Variants in RBFOX3 observed in about 807,000 individuals in gnomAD.
RBFOX3 encodes RNA binding fox-1 homolog 3.
RBFOX3 carries 17 observed loss-of-function variants against 48.7 expected under a neutral mutation model. The observed-to-expected ratio is 0.35, with a 90% CI of 0.24 to 0.52. The LOEUF (loss-of-function observed/expected upper bound fraction) is 0.52, where lower values mean the gene tolerates loss of function less well. Ranked by LOEUF, RBFOX3 falls within the 20% of genes least tolerant of loss-of-function variation. The pLI, the probability that RBFOX3 is intolerant of heterozygous loss-of-function variation, is 0.94. For synonymous variants in RBFOX3, 212 were observed against 209.5 expected, an observed-to-expected ratio of 1.01 and a Z score of -0.10; for missense variants, 382 against 497.5, an observed-to-expected ratio of 0.77 and a Z score of 2.21.
intron 1 of RBFOX3, among the ~76,000 whole-genome samples, chr17:79,573,710 C>G (rs2092761443): frequency 6.6e-6 from 1 of 152,196 alleles, no homozygotes; most frequent in East Asian, 1.9e-4. Flanking sequence ...CCCCTTCCGC[C>G]TTGCCATCTT....
chr17:79,363,439 C>T lies in RBFOX3; in HGVS notation c.-174-55615G>A, dbSNP rs62063964. ...TGTTCCCAGGCCTGGTCACCTCCACCCCAGACTTCCAAACTCTTCTGTCTG... is the reference window on the plus strand; with the variant it reads ...TGTTCCCAGGCCTGGTCACCTCCACTCCAGACTTCCAAACTCTTCTGTCTG... On this transcript the variant is annotated intron_variant, in intron 2 of 14. Coordinates refer to ENST00000693108, the MANE Select transcript of RBFOX3 (RefSeq NM_001350451.2). This position sits in a 1 kb window ranked among gnomAD's most constrained non-coding sequence, Gnocchi z 4.7. 2.6e-3 allele frequency among the ~76,000 whole-genome samples: 390 copies of T among 152,178 alleles called. 1 individual carries two copies. The highest frequency in any genetic ancestry group is 4.4e-3 in the Non-Finnish European group (299 of 67,980).
chr17:79,501,314 A>G (rs1404821326), intron 1 of RBFOX3, among the ~76,000 whole-genome samples: 1 of 152,184 alleles, frequency 6.6e-6, no homozygotes, highest in East Asian at 1.9e-4. Flanking sequence ...CCACACCTCC[A>G]CATGTCCAGC....
intron 2 of RBFOX3, among the ~76,000 whole-genome samples, chr17:79,419,971 C>T (rs557292088): frequency 1.3e-4 from 20 of 152,246 alleles, no homozygotes; most frequent in African/African-American, 4.6e-4. Context: ...TACTAAAATA[C>T]AAAAAATTAG....
chr17:79,293,410 CCCTTCCTTCCTTCCTT>C (rs536224921), intron 3 of RBFOX3, among the ~76,000 whole-genome samples: 9,984 of 80,124 alleles, frequency 0.12, 769 homozygotes, highest in Middle Eastern at 0.23. Flanking sequence ...TCCCCTCCAC[CCCTTCCTTCCTTCCTT>C]CCTTCCTTCC....
intron 4 of RBFOX3, among the ~76,000 whole-genome samples, chr17:79,148,547 T>G (rs2043570443): frequency 6.6e-6 from 1 of 152,194 alleles, no homozygotes; most frequent in Admixed American, 6.5e-5. Context: ...GGCCACTGAG[T>G]GCCTCCCGAA....
rs1281588730 is a variant in RBFOX3, at chr17:79,532,199, A to AGG, written c.-319-49603_-319-49602dup. ...ATCTGAATGTGAATAACTGCACTGGAGGGGGGAGGGGAGGAGGAAGAATGA... is the reference window on the plus strand; with the variant it reads ...ATCTGAATGTGAATAACTGCACTGGAGGGGGGGGAGGGGAGGAGGAAGAATGA... On this transcript the variant is annotated intron_variant, in intron 1 of 14. Transcript: ENST00000693108. Among the ~76,000 whole-genome samples the AGG allele has an allele frequency of 1.8e-3, 249 of 141,704 alleles. 1 individual carries two copies. Among genetic ancestry groups the AGG allele is most frequent in the African/African-American group, 6.9e-3 (238 of 34,430 alleles). 93.0% of individuals were successfully genotyped at this position (141,704 alleles called of 152,430 possible).
intron 2 of RBFOX3, among the ~76,000 whole-genome samples, chr17:79,406,887 C>T (rs1370654347): frequency 2.0e-5 from 3 of 152,206 alleles, no homozygotes; most frequent in African/African-American, 7.2e-5. Context: ...TGGCTCCAGA[C>T]TCCTCTATGC....
intron 3 of RBFOX3, among the ~76,000 whole-genome samples, chr17:79,253,934 A>G (rs1489822940): frequency 6.6e-6 from 1 of 152,220 alleles, no homozygotes; most frequent in East Asian, 1.9e-4. Context: ...ACACAGTAGC[A>G]GATGGATGAA....
intron 4 of RBFOX3, among the ~76,000 whole-genome samples, chr17:79,179,974 G>A (rs1350707738): frequency 2.0e-5 from 3 of 152,240 alleles, no homozygotes; most frequent in Non-Finnish European, 4.4e-5. Context: ...TGAGTGGGCA[G>A]GAAAGCTTCA....
chr17:79,223,583 C>T (rs1195874390), intron 4 of RBFOX3, among the ~76,000 whole-genome samples: 1 of 152,202 alleles, frequency 6.6e-6, no homozygotes, highest in Non-Finnish European at 1.5e-5. Flanking sequence ...GTGACATTTG[C>T]CACACATTCT....
chr17:79,125,552 G>A (rs1252611594), intron 4 of RBFOX3, among the ~76,000 whole-genome samples: 2 of 152,244 alleles, frequency 1.3e-5, no homozygotes, highest in South Asian at 2.1e-4. Context: ...CCGGCAGGGA[G>A]CTCAGGGAGC....
intron 2 of RBFOX3, among the ~76,000 whole-genome samples, chr17:79,414,874 T>G (rs1190140266): frequency 6.6e-6 from 1 of 152,214 alleles, no homozygotes; most frequent in Non-Finnish European, 1.5e-5. Context: ...CCCCTGGCAG[T>G]GGGTCTGGGA....
chr17:79,241,823 C>T (rs779748111), intron 3 of RBFOX3, among the ~76,000 whole-genome samples: 24 of 152,142 alleles, frequency 1.6e-4, no homozygotes, highest in Non-Finnish European at 2.6e-4. Flanking sequence ...AAGGAGACAG[C>T]GTGAAAGCAG....
At chr17:79,113,673 G>T (rs1202748816) in intron 5 of RBFOX3, among the ~76,000 whole-genome samples, 1 of 152,174 alleles carries the variant, frequency 6.6e-6, no homozygotes, top group African/African-American at 2.4e-5. Context: ...TTCAGCAGCT[G>T]CTGCTCACTC....
chr17:79,462,208 C>T (rs1357633993), intron 2 of RBFOX3, among the ~76,000 whole-genome samples: 3 of 152,254 alleles, frequency 2.0e-5, no homozygotes, highest in African/African-American at 4.8e-5. Flanking sequence ...GCAAATAGTA[C>T]GTGGCCAACA....
rs149704025 is a variant in RBFOX3, at chr17:79,175,711, G to C, written c.-33-59963C>G. Among the ~76,000 whole-genome samples, 1,153 of 152,400 alleles carry C rather than the reference G, an allele frequency of 7.6e-3. 14 individuals carry two copies. Among genetic ancestry groups the C allele is most frequent in the African/African-American group, 0.027 (1,107 of 41,602 alleles). ...CAGCTCAGAAGCTGGGCACGCCCGAGTTGCCGGCTCTTGGGGTGGCGCCTC... is the reference window on the plus strand; with the variant it reads ...CAGCTCAGAAGCTGGGCACGCCCGACTTGCCGGCTCTTGGGGTGGCGCCTC... On this transcript the variant is annotated intron_variant, in intron 4 of 14. Transcript: ENST00000693108.
At chr17:79,486,250 C>T (rs1273563821) in intron 1 of RBFOX3, among the ~76,000 whole-genome samples, 3 of 149,794 alleles carry the variant, frequency 2.0e-5, no homozygotes, top group Non-Finnish European at 3.0e-5. Flanking sequence ...CCAGGGTGGG[C>T]GGGGCCTGGT....
At chr17:79,346,770 A>T (rs929444528) in intron 2 of RBFOX3, among the ~76,000 whole-genome samples, 9 of 152,230 alleles carry the variant, frequency 5.9e-5, no homozygotes, top group Admixed American at 5.9e-4. Context: ...TTGCCTGTAT[A>T]AGTCTTAAGC....
At chr17:79,621,770 A>G in the RBFOX3 span, among the ~76,000 whole-genome samples, 2 of 152,196 alleles carry the variant, frequency 1.3e-5, no homozygotes, top group African/African-American at 4.8e-5. Context: ...TGCTGCTAGC[A>G]CTGCTAGCAC....
Sources: gnomAD v4.1 joint callset for allele counts (sites outside exome capture counted in the v4.1 genomes callset) on GRCh38, gnomAD v4.1.1 for gene constraint, Gnocchi (gnomAD v3.1) non-coding constraint, MANE v1.5 for transcripts, NCBI Gene and HGNC (gene_info 2026-07-23, HGNC 2026-07-21) for gene names.